Variants in TRIP11 observed in about 807,000 individuals in gnomAD.
TRIP11 encodes thyroid receptor-interacting protein 11.
Under a neutral mutation model 223.1 loss-of-function variants are expected in TRIP11, and 148 were observed. That is an observed-to-expected ratio of 0.66 (90% CI 0.58 to 0.76). The LOEUF is 0.76. Ranked by LOEUF, TRIP11 falls within the 30% of genes least tolerant of loss-of-function variation. TRIP11 has a pLI of 0.00. For synonymous variants in TRIP11, 762 were observed against 772.6 expected (o/e 0.99, Z 0.23); for missense variants, 2,043 against 2,222.0 (o/e 0.92, Z 1.62).
At chr14:92,012,959 AAC>A (rs1381788418) in intron 7 of TRIP11, among the ~76,000 whole-genome samples, 2 of 152,166 alleles carry the variant, frequency 1.3e-5, no homozygotes, top group African/African-American at 4.8e-5. Flanking sequence ...AATCATGGAG[AAC>A]AGAGAATTTT....
intron 2 of TRIP11, among the ~76,000 whole-genome samples, chr14:92,029,280 A>ATTATTTTTTT (rs2057230210): frequency 2.6e-5 from 2 of 76,798 alleles, no homozygotes; most frequent in African/African-American, 1.2e-4. Flanking sequence ...CCAAAGTATT[A>ATTATTTTTTT]TTTTTTTTTT....
At chr14:92,039,002 C>G (rs11554409) in intron 1 of TRIP11, among the ~76,000 whole-genome samples, 18,154 of 152,092 alleles carry the variant, frequency 0.12, 1,161 homozygotes, top group African/African-American at 0.17. Flanking sequence ...AAAATACATT[C>G]TCAGCTGGAA....
rs766458723 is a variant in TRIP11 at position 92,039,657 on chromosome 14, G to A, written c.29C>T (p.Ser10Phe). Reference sequence around the variant, plus strand: ...TTGACCCAGAGACTGGCCCAATCCGGAGCCGAGGCCCCCAAGCCAGGACGA... The same window carrying A: ...TTGACCCAGAGACTGGCCCAATCCGAAGCCGAGGCCCCCAAGCCAGGACGA... MSSWLGGLG[S>F]GLGQSLGQVG... The change falls in exon 1 of 21, where the codon TCC (serine) becomes TTC (phenylalanine). Residue 10 changes from serine to phenylalanine, a missense_variant. By Grantham distance (155) the Ser-to-Phe change is radical. Coordinates refer to ENST00000267622, the MANE Select transcript of TRIP11 (RefSeq NM_004239.4). The A allele has an allele frequency of 1.2e-6, 2 of 1,612,446 alleles. No homozygotes were observed. The highest frequency in any genetic ancestry group is 1.7e-6 in the Non-Finnish European group (2 of 1,179,372).
Position 92,004,986 on chromosome 14 carries a change from G to T in TRIP11, c.2990C>A (p.Thr997Lys). ...TTCTATATTAAGGCTCTGAACTTTT[G>T]TTTCTTGAAAAATATCAGAGTTATC... The part of the protein sequence containing the change: ...QTDNSDIFQE[T>K]KVQSLNIENG... Residue 997 changes from threonine (T) to lysine (K), a missense_variant, in exon 11 of 21, where the codon ACA becomes AAA. Physicochemically the swap from Thr to Lys is moderately conservative, Grantham distance 78. Transcript: ENST00000267622. The T allele has an allele frequency of 6.2e-7, 1 of 1,613,420 alleles. No homozygotes were observed. Among genetic ancestry groups the T allele is most frequent in the South Asian group, 1.1e-5 (1 of 90,998 alleles).
chr14:91,986,722 C>T (rs578037777), intron 16 of TRIP11, among the ~76,000 whole-genome samples: 15 of 152,156 alleles, frequency 9.9e-5, no homozygotes, highest in Non-Finnish European at 1.8e-4. Context: ...TAGCCCAACC[C>T]GAAGATTATC....
At chr14:91,972,587 T>C (rs1053132546) in intron 20 of TRIP11, 130 bp downstream of exon 20, 5 of 919,112 alleles carry the variant, frequency 5.4e-6, no homozygotes, top group Admixed American at 2.6e-5. Flanking sequence ...TGATGCCTTA[T>C]TGGAATTCTG....
In TRIP11 at chr14:92,025,410, A is replaced by C. The variant is rs767870380; in HGVS notation, c.212T>G (p.Leu71Arg). Residue 71 changes from leucine (L) to arginine (R), a missense_variant, in exon 3 of 21, where the codon CTT becomes CGT. Physicochemically the swap from Leu to Arg is moderately radical, Grantham distance 102. Transcript: ENST00000267622. The stretch of plus-strand genomic sequence containing the variant: ...TTCTAGATCAGTACAAAGTTTCTTA[A>C]GCCTTTCATTCTAGAAAAAAAAAGT... ...HAILRSENER[L>R]KKLCTDLEEK... is the part of the protein sequence containing the mutation. 6.2e-7 allele frequency: 1 copy of C among 1,612,204 alleles called. No homozygotes were observed. Among genetic ancestry groups the C allele is most frequent in the South Asian group, 1.1e-5 (1 of 91,032 alleles).
chr14:91,977,648 A>G (rs1054348284), intron 16 of TRIP11, among the ~76,000 whole-genome samples: 6 of 91,146 alleles, frequency 6.6e-5, no homozygotes, highest in African/African-American at 2.6e-4. Context: ...GCTCTTTTCC[A>G]TCAGGACTGC....
Position 92,005,980 on chromosome 14 carries a change from C to T in TRIP11, c.1996G>A (p.Glu666Lys), listed in dbSNP as rs1404122067. ...TCAAAAGCAACTTTCTTTAAATTTT[C>T]ATTGAGCTGTTCTAATTCTGAAAGA... ...QNLSELEQLN[E>K]NLKKVAFDVK... Residue 666 changes from glutamate to lysine, a missense_variant, in exon 11 of 21, where the codon GAA becomes AAA. Physicochemically the swap from Glu to Lys is moderately conservative, Grantham distance 56. Transcript: ENST00000267622. The T allele has an allele frequency of 1.2e-6, 2 of 1,612,212 alleles. No homozygotes were observed. Among genetic ancestry groups the T allele is most frequent in the African/African-American group, 1.3e-5 (1 of 74,870 alleles).
At chr14:91,981,678 C>T (rs2056547310) in intron 16 of TRIP11, among the ~76,000 whole-genome samples, 1 of 152,262 alleles carries the variant, frequency 6.6e-6, no homozygotes, top group Admixed American at 6.5e-5. Context: ...CAGGCATGGG[C>T]CACCGTGCCC....
Position 92,004,865 on chromosome 14 carries a change from T to G in TRIP11, c.3111A>C (p.Glu1037Asp). ...TCTGTTTAGTTAAAGATATATTCTT[T>G]TCATTTAGAAGTTTAATCTCCAGTT... ...ERELEIKLLN[E>D]KNISLTKQID... Residue 1037 changes from glutamate to aspartate, a missense_variant, in exon 11 of 21, where the codon GAA becomes GAC. Coordinates refer to ENST00000267622, the MANE Select transcript of TRIP11 (RefSeq NM_004239.4). 6.2e-7 allele frequency: 1 copy of G among 1,613,842 alleles called. No homozygotes were observed. Among genetic ancestry groups the G allele is most frequent in the Non-Finnish European group, 8.5e-7 (1 of 1,179,978 alleles).
At chr14:91,977,155 T>C in intron 16 of TRIP11, 1 of 440,060 alleles carries the variant, frequency 2.3e-6, no homozygotes, top group Non-Finnish European at 4.5e-6. Context: ...TGCATTTTCC[T>C]AGTAGTAGCT....
intron 9 of TRIP11, 139 bp from the exon 10 acceptor site, chr14:92,007,991 T>C (rs1160332899): frequency 1.5e-6 from 1 of 679,522 alleles, no homozygotes; most frequent in Non-Finnish European, 2.5e-6. Flanking sequence ...ACCTCAATAA[T>C]TGTATGTGAA....
At chr14:91,997,181 T>C (rs924281789) in intron 13 of TRIP11, among the ~76,000 whole-genome samples, 9 of 152,220 alleles carry the variant, frequency 5.9e-5, no homozygotes, top group Non-Finnish European at 1.3e-4. Flanking sequence ...AAATGAGCTA[T>C]GATGGCACTC....
At chr14:91,988,065 A>G (rs991077958) in intron 16 of TRIP11, among the ~76,000 whole-genome samples, 62 of 152,202 alleles carry the variant, frequency 4.1e-4, no homozygotes, top group African/African-American at 1.4e-3. Flanking sequence ...CATTGCCTCA[A>G]CATCCAGGAA....
At chr14:92,011,483 CAAAAAAAA>C (rs200967942) in intron 8 of TRIP11, among the ~76,000 whole-genome samples, 2 of 42,470 alleles carry the variant, frequency 4.7e-5, no homozygotes, top group Non-Finnish European at 8.8e-5. Flanking sequence ...GACTCCGTCT[CAAAAAAAA>C]AAAAAAAAAA....
At position 91,972,612 on chromosome 14, in the gene TRIP11, A is replaced by G. The variant is rs1475448314; in HGVS notation, c.5719+105T>C. 6 of 1,216,040 alleles carry G rather than the reference A, an allele frequency of 4.9e-6. No homozygotes were observed. In the East Asian group the frequency reaches 1.5e-4, roughly 30 times the overall value. The allele number at this position is 1,216,040 out of a possible 1,614,324, so 75.3% of individuals were successfully genotyped here. On this transcript the variant is annotated intron_variant, in intron 20 of 20. Transcript: ENST00000267622. ...TTGGAATTCTGGAAGTCCTGATTACACATTTCCAAAAATACTAAAAATTTA... is the reference window on the plus strand; with the variant it reads ...TTGGAATTCTGGAAGTCCTGATTACGCATTTCCAAAAATACTAAAAATTTA...
chr14:91,996,657 G>A (rs1313399316), intron 13 of TRIP11, among the ~76,000 whole-genome samples: 1 of 152,214 alleles, frequency 6.6e-6, no homozygotes, highest in East Asian at 1.9e-4. Flanking sequence ...AACCCTGGAA[G>A]TCATTTTGTC....
intron 5 of TRIP11, among the ~76,000 whole-genome samples, chr14:92,016,363 C>A (rs978376299): frequency 6.6e-6 from 1 of 152,130 alleles, no homozygotes; most frequent in Non-Finnish European, 1.5e-5. Flanking sequence ...CTGAGTCCAT[C>A]GACTAGGGAA....
Sources: gnomAD v4.1 joint callset for allele counts (sites outside exome capture counted in the v4.1 genomes callset) on GRCh38, gnomAD v4.1.1 for gene constraint, MANE v1.5 for transcripts, NCBI Gene and HGNC (gene_info 2026-07-23, HGNC 2026-07-21) for gene names.